The following CDC42EP5 variants were observed in gnomAD, a reference collection of about 807,000 sequenced individuals.
The protein encoded by CDC42EP5 is CDC42 effector protein 5.
For synonymous variants in CDC42EP5, 118 were observed against 123.3 expected (o/e 0.96, Z 0.28); for missense variants, 269 against 238.0 (o/e 1.13, Z -0.86).
In CDC42EP5 at chr19:54,469,081, G is replaced by A. The variant is rs111480979; in HGVS notation, c.-1+2464C>T. On this transcript the variant is annotated intron_variant, in intron 2 of 2. Coordinates refer to ENST00000301200, the MANE Select transcript of CDC42EP5 (RefSeq NM_145057.4). The stretch of plus-strand genomic sequence containing the variant: ...GCGATCTCGGCTCACTGCAACCTCC[G>A]CCTCCCAGGTTCAAGTGATTCTCCT... Among the ~76,000 whole-genome samples, 202 of 149,070 alleles carry A rather than the reference G, an allele frequency of 1.4e-3. 2 individuals carry two copies. The highest frequency in any genetic ancestry group is 4.7e-3 in the African/African-American group (189 of 40,552).
chr19:54,470,409 AAGAG>A (rs1404596513), intron 2 of CDC42EP5, among the ~76,000 whole-genome samples: 2 of 150,402 alleles, frequency 1.3e-5, no homozygotes, highest in African/African-American at 2.5e-5. Context: ...GAGAGAGAAA[AAGAG>A]AGAGAAGGAA....
At chr19:54,472,542 ATC>A (rs1212572665) in intron 1 of CDC42EP5, among the ~76,000 whole-genome samples, 1 of 33,278 alleles carries the variant, frequency 3.0e-5, no homozygotes, top group Non-Finnish European at 5.2e-5. Flanking sequence ...AGGAGTCAAG[ATC>A]CCCCCAGCCC....
rs1446263265 is a variant in CDC42EP5, at chr19:54,465,354, GCGGGGGGCGCCCGGGGCT to G, written c.176_193del (p.Glu59_Pro64del). 11 of 1,156,390 alleles carry G rather than the reference GCGGGGGGCGCCCGGGGCT, an allele frequency of 9.5e-6. No individual in the cohort carries two copies. The highest frequency in any genetic ancestry group is 3.5e-4 in the Middle Eastern group (1 of 2,828). The allele number at this position is 1,156,390 out of a possible 1,614,324, so 71.6% of individuals were successfully genotyped here. On this transcript the variant is annotated inframe_deletion, in exon 3 of 3. Transcript: ENST00000301200. The stretch of plus-strand genomic sequence containing the variant: ...CGGCGGCGGGGAGCGCGGGGCCCCC[GCGGGGGGCGCCCGGGGCT>G]CGGGGGGCGGCCCGCCGCCGTGGCG...
intron 2 of CDC42EP5, among the ~76,000 whole-genome samples, chr19:54,466,763 T>C (rs752392498): frequency 6.6e-6 from 1 of 152,202 alleles, no homozygotes; most frequent in Non-Finnish European, 1.5e-5. Context: ...CATTGTATTA[T>C]GCATTATAAG....
intron 2 of CDC42EP5, 139 bp downstream of exon 2, chr19:54,471,406 G>T (rs535785384): frequency 1.3e-5 from 2 of 152,118 alleles, no homozygotes; most frequent in East Asian, 3.9e-4. Flanking sequence ...CCGGGTCGGG[G>T]GACCCCAGAT....
In CDC42EP5 at chr19:54,465,255, G is replaced by C; in HGVS notation, c.293C>G (p.Ser98Cys). The C allele has an allele frequency of 7.1e-7, 1 of 1,410,032 alleles. No homozygotes were observed. The highest frequency in any genetic ancestry group is 9.2e-7 in the Non-Finnish European group (1 of 1,082,844). 87.3% of individuals were successfully genotyped at this position (1,410,032 alleles called of 1,614,324 possible). Residue 98 changes from serine (S) to cysteine (C), a missense_variant, in exon 3 of 3, where the codon TCC (serine) becomes TGC (cysteine). Physicochemically the swap from Ser to Cys is moderately radical, Grantham distance 112. Transcript: ENST00000301200. Reference protein sequence around the residue: ...LLSFHLDLGPSMLDAVLGVMD... With the variant: ...LLSFHLDLGPCMLDAVLGVMD... The stretch of plus-strand genomic sequence containing the variant: ...GACGCCCAGCACCGCGTCCAGCATG[G>C]AGGGCCCCAGATCCAGGTGGAAGGA...
chr19:54,470,488 A>G (rs569988044), intron 2 of CDC42EP5, among the ~76,000 whole-genome samples: 1 of 151,166 alleles, frequency 6.6e-6, no homozygotes, highest in South Asian at 2.1e-4. Context: ...AGAAAGAAAA[A>G]GAAAGGAAAG....
Position 54,465,382 on chromosome 19 carries a change from GC to G in CDC42EP5, c.165del (p.Pro56ArgfsTer87). 8.5e-7 allele frequency: 1 copy of G among 1,181,382 alleles called. No homozygotes were observed. The highest frequency in any genetic ancestry group is 3.6e-5 in the South Asian group (1 of 27,404). 73.2% of individuals were successfully genotyped at this position (1,181,382 alleles called of 1,614,324 possible). A position where few individuals can be genotyped will look rare whatever the true frequency, so the allele number is the denominator to read the frequency against. On this transcript the variant is annotated frameshift_variant, in exon 3 of 3. Coordinates refer to ENST00000301200, the MANE Select transcript of CDC42EP5 (RefSeq NM_145057.4). LOFTEE classifies it low-confidence loss of function (END_TRUNC). ...DTSFLSRHGG[G>X]PPPEPRAPPA... is the part of the protein sequence containing the mutation. Reference sequence around the variant, plus strand: ...GGGGGCGCCCGGGGCTCGGGGGGCGGCCCGCCGCCGTGGCGGCTCAGGAACG... The same window carrying G: ...GGGGGCGCCCGGGGCTCGGGGGGCGGCCGCCGCCGTGGCGGCTCAGGAACG...
chr19:54,467,351 G>C (rs953291076), intron 2 of CDC42EP5, among the ~76,000 whole-genome samples: 1 of 151,266 alleles, frequency 6.6e-6, no homozygotes, highest in Non-Finnish European at 1.5e-5. Context: ...TACTTGAGAG[G>C]CTGAGGCAGG....
intron 2 of CDC42EP5, among the ~76,000 whole-genome samples, chr19:54,470,311 G>A (rs527741801): frequency 1.3e-5 from 2 of 152,132 alleles, no homozygotes; most frequent in Admixed American, 6.5e-5. Flanking sequence ...GTTTGAGGCT[G>A]CAGTGAGGTA....
chr19:54,465,830 T>G (rs532917680), intron 2 of CDC42EP5, among the ~76,000 whole-genome samples: 104 of 152,116 alleles, frequency 6.8e-4, no homozygotes, highest in Non-Finnish European at 1.3e-3. Flanking sequence ...AGACGGGGTT[T>G]CACAATGTTG....
At chr19:54,469,888 C>T (rs1407789696) in intron 2 of CDC42EP5, among the ~76,000 whole-genome samples, 2 of 152,064 alleles carry the variant, frequency 1.3e-5, no homozygotes, top group African/African-American at 4.8e-5. Flanking sequence ...CAGCATGCAC[C>T]TCGCATCCCC....
At chr19:54,465,761 G>A (rs372752112) in intron 2 of CDC42EP5, among the ~76,000 whole-genome samples, 1 of 152,068 alleles carries the variant, frequency 6.6e-6, no homozygotes, top group Non-Finnish European at 1.5e-5. Context: ...TCAGTCTCCC[G>A]AGTAGCTGGG....
At chr19:54,468,928 TTTCTTTTCTTCCCTCCCTCCC>T (rs2084796438) in intron 2 of CDC42EP5, among the ~76,000 whole-genome samples, 11 of 36,764 alleles carry the variant, frequency 3.0e-4, no homozygotes, top group South Asian at 7.9e-4. Context: ...TCCTTCTTTC[TTTCTTTTCTTCCCTCCCTCCC>T]TCCTTCCTTC....
chr19:54,469,378 T>TA (rs10719259), intron 2 of CDC42EP5, among the ~76,000 whole-genome samples: 50,183 of 150,928 alleles, frequency 0.33, 9,391 homozygotes, highest in East Asian at 0.63. Context: ...ATCCACAGTT[T>TA]AAAAAAAAAA....
chr19:54,467,009 T>C (rs1460260224), intron 2 of CDC42EP5, among the ~76,000 whole-genome samples: 1 of 147,924 alleles, frequency 6.8e-6, no homozygotes, highest in Admixed American at 6.8e-5. Flanking sequence ...GTCAGGCTGG[T>C]CTTGAACTCC....
chr19:54,465,092 T>A lies in CDC42EP5; in HGVS notation c.*9A>T. 9 of 1,340,730 alleles carry A rather than the reference T, an allele frequency of 6.7e-6. No individual in the cohort carries two copies. Among genetic ancestry groups the A allele is most frequent in the Non-Finnish European group, 7.7e-6 (8 of 1,045,666 alleles). 83.1% of individuals were successfully genotyped at this position (1,340,730 alleles called of 1,614,324 possible). A position where few individuals can be genotyped will look rare whatever the true frequency, so the allele number is the denominator to read the frequency against. On this transcript the variant is annotated 3_prime_UTR_variant, in exon 3 of 3. Transcript: ENST00000301200. ...TGCCGGGCGGGAAGGGCGCGGGGAA[T>A]GAGGGAACCTAGAGGCCGATGACGT...
intron 2 of CDC42EP5, among the ~76,000 whole-genome samples, chr19:54,470,723 A>G (rs1229722898): frequency 6.6e-6 from 1 of 152,180 alleles, no homozygotes; most frequent in Non-Finnish European, 1.5e-5. Context: ...GATGGCTGAG[A>G]CACAGAGAAG....
In CDC42EP5 at chr19:54,465,259, GC is replaced by G. The variant is rs1323645284; in HGVS notation, c.288del (p.Ser98ProfsTer45). On this transcript the variant is annotated frameshift_variant, in exon 3 of 3. Transcript: ENST00000301200. LOFTEE classifies it low-confidence loss of function (END_TRUNC). ...DPLLSFHLDLGPSMLDAVLGV... is the reference protein window; with the variant it reads ...DPLLSFHLDLXPSMLDAVLGV... Reference sequence around the variant, plus strand: ...CCCAGCACCGCGTCCAGCATGGAGGGCCCCAGATCCAGGTGGAAGGACAGCA... The same window carrying G: ...CCCAGCACCGCGTCCAGCATGGAGGGCCCAGATCCAGGTGGAAGGACAGCA... 1.4e-6 allele frequency: 2 copies of G among 1,388,700 alleles called. No homozygotes were observed. Among genetic ancestry groups the G allele is most frequent in the Admixed American group, 3.1e-5 (1 of 32,244 alleles). 86.0% of individuals were successfully genotyped at this position (1,388,700 alleles called of 1,614,324 possible). A position where few individuals can be genotyped will look rare whatever the true frequency, so the allele number is the denominator to read the frequency against.
Sources: allele counts gnomAD v4.1 joint callset (sites outside exome capture counted in the v4.1 genomes callset), GRCh38; gene constraint gnomAD v4.1.1; transcripts MANE v1.5; gene names NCBI Gene and HGNC (gene_info 2026-07-23, HGNC 2026-07-21).